The following JARID2 variants were observed in gnomAD, a reference collection of about 807,000 sequenced individuals.
JARID2 encodes the protein protein Jumonji.
JARID2 carries 21 observed loss-of-function variants against 125.6 expected under a neutral mutation model. The observed-to-expected ratio is 0.17, with a 90% CI of 0.12 to 0.24. The LOEUF is 0.24. JARID2 is among the 10% of genes least tolerant of loss of function. The pLI is 1.00. For missense variants in JARID2, 1,303 were observed against 1,639.6 expected (o/e 0.79, Z 3.55); for synonymous variants, 736 against 661.6 (o/e 1.11, Z -1.73).
At chr6:15,361,538 CG>C (rs1166682285) in intron 1 of JARID2, among the ~76,000 whole-genome samples, 1 of 152,150 alleles carries the variant, frequency 6.6e-6, no homozygotes, top group Non-Finnish European at 1.5e-5. Context: ...TAGGAAGAAT[CG>C]TAACTTTGCT....
intron 2 of JARID2, among the ~76,000 whole-genome samples, chr6:15,397,303 A>G (rs1026555092): frequency 6.6e-6 from 1 of 152,220 alleles, no homozygotes; most frequent in Non-Finnish European, 1.5e-5. Flanking sequence ...ACACAGAAAT[A>G]TCATTACAAA....
intron 1 of JARID2, among the ~76,000 whole-genome samples, chr6:15,322,023 C>T (rs910874558): frequency 6.6e-6 from 1 of 152,022 alleles, no homozygotes; most frequent in Admixed American, 6.6e-5. Context: ...AAACTCCTGA[C>T]TTCGTTGTTC....
At chr6:15,289,021 GGGA>G (rs1298150225) in intron 1 of JARID2, among the ~76,000 whole-genome samples, 24 of 152,206 alleles carry the variant, frequency 1.6e-4, no homozygotes, top group South Asian at 8.3e-4. Flanking sequence ...AAGCCACGGA[GGGA>G]GGAGAAGTGT....
chr6:15,246,285 C>G lies in JARID2; in HGVS notation c.-255C>G. ...GTGTATGTGTTTCGGGGGAAATTTTCCATTATGAGTGTTTTACTAAAGTGA... is the reference window on the plus strand; with the variant it reads ...GTGTATGTGTTTCGGGGGAAATTTTGCATTATGAGTGTTTTACTAAAGTGA... On this transcript the variant is annotated 5_prime_UTR_variant, in exon 1 of 18. Coordinates refer to ENST00000341776, the MANE Select transcript of JARID2 (RefSeq NM_004973.4). 4.1e-6 allele frequency: 2 copies of G among 489,472 alleles called. No individual in the cohort carries two copies. The allele number at this position is 489,472 out of a possible 1,614,324, so 30.3% of individuals were successfully genotyped here.
intron 1 of JARID2, chr6:15,248,407 CGG>C (rs1759276413): frequency 2.7e-5 from 1 of 37,556 alleles, no homozygotes; most frequent in Admixed American, 3.2e-4. Flanking sequence ...CTGCGGGGCG[CGG>C]GGAGGGGAGA....
At position 15,423,096 on chromosome 6, in the gene JARID2, T is replaced by C. The variant is rs77834356; in HGVS notation, c.323+12731T>C. On this transcript the variant is annotated intron_variant, in intron 3 of 17. Coordinates refer to ENST00000341776, the MANE Select transcript of JARID2 (RefSeq NM_004973.4). ...CACACTGTAACCTCCGCGTCCTGGG[T>C]GCAAGTGATCCTCCTGTCTCAGCCT... Among the ~76,000 whole-genome samples the C allele has an allele frequency of 7.2e-3, 1,091 of 151,150 alleles. 14 individuals carry two copies. The highest frequency in any genetic ancestry group is 0.025 in the African/African-American group (1,037 of 41,168).
chr6:15,452,221 G>T lies in JARID2; in HGVS notation c.493+46G>T, dbSNP rs780061587. The T allele has an allele frequency of 4.4e-6, 7 of 1,605,504 alleles. No homozygotes were observed. In the East Asian group the frequency reaches 1.6e-4, roughly 36 times the overall value. On this transcript the variant is annotated intron_variant, in intron 4 of 17. Coordinates refer to ENST00000341776, the MANE Select transcript of JARID2 (RefSeq NM_004973.4). Reference sequence around the variant, plus strand: ...GCGGAGGTCTACGTGGAATCTACATGTAAGCCTGAGGTCTACGTGGAGTAA... The same window carrying T: ...GCGGAGGTCTACGTGGAATCTACATTTAAGCCTGAGGTCTACGTGGAGTAA...
At chr6:15,247,479 C>T in intron 1 of JARID2, 1 of 980,970 alleles carries the variant, frequency 1.0e-6, no homozygotes, top group Non-Finnish European at 1.2e-6. Context: ...AGGGATTAAC[C>T]AAATATGCAC....
chr6:15,408,189 C>CAG (rs1765726297), intron 2 of JARID2, among the ~76,000 whole-genome samples: 1 of 152,058 alleles, frequency 6.6e-6, no homozygotes, highest in Non-Finnish European at 1.5e-5. Flanking sequence ...GAGGTCAAGG[C>CAG]TGCAATAAGC....
At chr6:15,383,374 T>TGTCATGGAGGGA (rs1764664828) in intron 2 of JARID2, among the ~76,000 whole-genome samples, 1 of 151,790 alleles carries the variant, frequency 6.6e-6, no homozygotes, top group South Asian at 2.1e-4. Flanking sequence ...ATGAAATTAA[T>TGTCATGGAGGGA]AACTCCCCCT....
chr6:15,513,295 C>T lies in JARID2; in HGVS notation c.3323C>T (p.Ala1108Val). Residue 1108 changes from alanine (A) to valine (V), a missense_variant, in exon 16 of 18, where the codon GCA (alanine) becomes GTA (valine). This residue lies in a region of JARID2 where 190 missense variants were observed against 341.4 expected (regional missense o/e 0.56). Transcript: ENST00000341776. ...TTCGAGGCTGGCCTCCACTCCTCCG[C>T]ACGCTATGGCAGCCACGATGGCAGC... is the stretch of plus-strand genomic sequence containing the variant. ...QLFEAGLHSS[A>V]RYGSHDGSST... 1 of 1,599,784 alleles carries T rather than the reference C, an allele frequency of 6.3e-7. No homozygotes were observed. Among genetic ancestry groups the T allele is most frequent in the Non-Finnish European group, 8.5e-7 (1 of 1,174,536 alleles).
At chr6:15,394,122 C>T (rs949360257) in intron 2 of JARID2, among the ~76,000 whole-genome samples, 2 of 152,016 alleles carry the variant, frequency 1.3e-5, no homozygotes. Context: ...TGAGCTATGT[C>T]TAGTCTAATA....
intron 1 of JARID2, among the ~76,000 whole-genome samples, chr6:15,319,416 A>C (rs1762279790): frequency 6.7e-6 from 1 of 149,660 alleles, no homozygotes; most frequent in African/African-American, 2.6e-5. Context: ...TTTTGGAGAC[A>C]GAGTTTCCCT....
In JARID2 at chr6:15,248,109, C is replaced by A. The variant is rs565856769; in HGVS notation, c.45+1525C>A. 6.1e-6 allele frequency: 6 copies of A among 984,864 alleles called. No homozygotes were observed. In the East Asian group the frequency reaches 4.6e-4, roughly 75 times the overall value. 61.0% of individuals were successfully genotyped at this position (984,864 alleles called of 1,614,324 possible). A position where few individuals can be genotyped will look rare whatever the true frequency, so the allele number is the denominator to read the frequency against. ...CGTTCAGCGGATCGTGTCTCCGAGT[C>A]CGGGCGTCCGGCTGCAAGCCCGTGG... On this transcript the variant is annotated intron_variant, in intron 1 of 17. Coordinates refer to ENST00000341776, the MANE Select transcript of JARID2 (RefSeq NM_004973.4).
At chr6:15,415,424 G>A (rs1028642585) in intron 3 of JARID2, among the ~76,000 whole-genome samples, 14 of 151,488 alleles carry the variant, frequency 9.2e-5, no homozygotes, top group Non-Finnish European at 2.1e-4. Flanking sequence ...CCCAGACGGG[G>A]CGGCTGGCCG....
At chr6:15,425,807 C>T (rs1341087971) in intron 3 of JARID2, among the ~76,000 whole-genome samples, 1 of 152,140 alleles carries the variant, frequency 6.6e-6, no homozygotes, top group Non-Finnish European at 1.5e-5. Context: ...AAGAAAGATG[C>T]GTGAAGTTTG....
At chr6:15,436,495 T>C (rs757396136) in intron 3 of JARID2, among the ~76,000 whole-genome samples, 2 of 152,140 alleles carry the variant, frequency 1.3e-5, no homozygotes, top group African/African-American at 2.4e-5. Context: ...TAGGTTTTCA[T>C]AGGCCCAGGA....
At chr6:15,510,183 G>A (rs1458158378) in intron 12 of JARID2, among the ~76,000 whole-genome samples, 2 of 152,084 alleles carry the variant, frequency 1.3e-5, no homozygotes, top group East Asian at 3.9e-4. Flanking sequence ...TGTGTTTAAT[G>A]GTGGTTGATG....
chr6:15,403,682 T>A (rs1765531402), intron 2 of JARID2, among the ~76,000 whole-genome samples: 2 of 152,182 alleles, frequency 1.3e-5, no homozygotes, highest in South Asian at 4.2e-4. Context: ...TATCTAACGC[T>A]TTCTCAAAAA....
Sources: gnomAD v4.1 joint callset for allele counts (sites outside exome capture counted in the v4.1 genomes callset) on GRCh38, gnomAD v4.1.1 for gene constraint, gnomAD v4.1.1 regional missense constraint, MANE v1.5 for transcripts, NCBI Gene and HGNC (gene_info 2026-07-23, HGNC 2026-07-21) for gene names.